Variants in SNX25 observed in about 807,000 individuals in gnomAD.
SNX25 encodes sorting nexin 25.
A neutral mutation model predicts 113.7 loss-of-function variants in SNX25; 62 were observed. The observed-to-expected ratio is 0.55, with a 90% CI of 0.44 to 0.67. The LOEUF (loss-of-function observed/expected upper bound fraction) is 0.67, where lower values mean the gene tolerates loss of function less well. SNX25 is among the 30% of genes least tolerant of loss of function. SNX25 has a pLI of 0.00. For missense variants in SNX25, 1,014 were observed against 1,161.0 expected, an observed-to-expected ratio of 0.87 and a Z score of 1.84; for synonymous variants, 421 against 436.2, an observed-to-expected ratio of 0.97 and a Z score of 0.43.
intron 9 of SNX25, among the ~76,000 whole-genome samples, chr4:185,324,706 C>T (rs904081394): frequency 1.1e-4 from 16 of 152,040 alleles, no homozygotes; most frequent in African/African-American, 3.4e-4. Flanking sequence ...GGCTGATGCC[C>T]TTTGGATTTA....
the SNX25 span, chr4:185,378,068 T>C: frequency 3.2e-5 from 51 of 1,597,516 alleles, no homozygotes; most frequent in South Asian, 4.8e-4. Flanking sequence ...AGCTTAAATA[T>C]CAGGATTTGT....
intron 1 of SNX25, among the ~76,000 whole-genome samples, chr4:185,211,347 C>A (rs1477767900): frequency 1.3e-5 from 2 of 152,146 alleles, no homozygotes; most frequent in Non-Finnish European, 2.9e-5. Context: ...GAGCAGGCAA[C>A]TCCTGTTTTT....
intron 5 of SNX25, among the ~76,000 whole-genome samples, chr4:185,287,553 A>G (rs115140755): frequency 0.016 from 2,403 of 152,356 alleles, 71 homozygotes; most frequent in African/African-American, 0.055. Context: ...CCACAAGCCC[A>G]CAGGTACCGT....
chr4:185,215,048 G>GT (rs1175571267), intron 1 of SNX25, among the ~76,000 whole-genome samples: 8 of 152,134 alleles, frequency 5.3e-5, no homozygotes, highest in African/African-American at 1.9e-4. Context: ...GGCTAACACA[G>GT]TGAAACCCCG....
chr4:185,346,855 A>C (rs2095289476), intron 13 of SNX25, among the ~76,000 whole-genome samples: 1 of 152,162 alleles, frequency 6.6e-6, no homozygotes, highest in African/African-American at 2.4e-5. Flanking sequence ...CGTTTCACAA[A>C]CTGAACACAC....
rs1455336593 is a variant in SNX25 at position 185,332,598 on chromosome 4, C to T, written c.1753C>T (p.Pro585Ser). Residue 585 changes from proline to serine, a missense_variant, in exon 10 of 19, where the codon CCA becomes TCA. By Grantham distance (74) the Pro-to-Ser change is moderately conservative (BLOSUM62 -1). Coordinates refer to ENST00000652585, the MANE Select transcript of SNX25 (RefSeq NM_001378034.2). ...QMISNKDEMG[P>S]RDEAGEEAVD... Reference sequence around the variant, plus strand: ...TGGTATGTGACTCTCCCCCTAGGGCCCAAGAGATGAGGCTGGTGAGGAAGC... The same window carrying T: ...TGGTATGTGACTCTCCCCCTAGGGCTCAAGAGATGAGGCTGGTGAGGAAGC... 1.2e-6 allele frequency: 2 copies of T among 1,610,642 alleles called. No individual in the cohort carries two copies. Among genetic ancestry groups the T allele is most frequent in the Non-Finnish European group, 1.7e-6 (2 of 1,178,176 alleles).
upstream of SNX25, among the ~76,000 whole-genome samples, chr4:185,205,618 C>A (rs962897934): frequency 1.3e-5 from 2 of 152,150 alleles, no homozygotes; most frequent in African/African-American, 2.4e-5. Context: ...CACCTGAGGT[C>A]AGGAGTTCCA....
intron 16 of SNX25, among the ~76,000 whole-genome samples, chr4:185,361,428 C>T (rs922849562): frequency 2.0e-4 from 31 of 152,162 alleles, no homozygotes; most frequent in Non-Finnish European, 1.5e-5. Flanking sequence ...AATAACTGCT[C>T]ATGCAGTATT....
intron 3 of SNX25, among the ~76,000 whole-genome samples, chr4:185,261,625 T>G (rs1210499347): frequency 6.6e-6 from 1 of 152,218 alleles, no homozygotes; most frequent in Non-Finnish European, 1.5e-5. Context: ...ATTTACTAGC[T>G]TTTGAAATTA....
intron 6 of SNX25, among the ~76,000 whole-genome samples, chr4:185,294,356 A>G (rs1752574970): frequency 6.6e-6 from 1 of 152,116 alleles, no homozygotes; most frequent in African/African-American, 2.4e-5. Flanking sequence ...TAGCTTCCTG[A>G]TGGAATCCGC....
intron 10 of SNX25, among the ~76,000 whole-genome samples, chr4:185,336,526 T>G (rs896809970): frequency 1.3e-5 from 2 of 152,242 alleles, no homozygotes; most frequent in Non-Finnish European, 2.9e-5. Context: ...CTGAGTAGTA[T>G]TCTGTGCTCT....
chr4:185,294,784 A>G (rs1321642817), intron 6 of SNX25, among the ~76,000 whole-genome samples: 1 of 152,126 alleles, frequency 6.6e-6, no homozygotes, highest in African/African-American at 2.4e-5. Flanking sequence ...GGTGCTTTCA[A>G]TTTTAAATAA....
At chr4:185,281,061 C>T (rs1001529103) in intron 5 of SNX25, among the ~76,000 whole-genome samples, 5 of 152,126 alleles carry the variant, frequency 3.3e-5, no homozygotes, top group African/African-American at 7.2e-5. Flanking sequence ...CCTTTTCCCT[C>T]GTTTGGAGAG....
chr4:185,309,121 AT>A (rs1048179241), intron 6 of SNX25, among the ~76,000 whole-genome samples: 18 of 152,072 alleles, frequency 1.2e-4, no homozygotes, highest in African/African-American at 4.3e-4. Context: ...ACGGTGCCTC[AT>A]TGGTGCTGAA....
At chr4:185,307,204 A>G (rs1754583356) in intron 6 of SNX25, among the ~76,000 whole-genome samples, 1 of 152,212 alleles carries the variant, frequency 6.6e-6, no homozygotes, top group African/African-American at 2.4e-5. Flanking sequence ...GGGACCTGAG[A>G]TGGGTAATGA....
intron 13 of SNX25, among the ~76,000 whole-genome samples, chr4:185,347,236 T>C (rs560086252): frequency 1.8e-4 from 27 of 152,368 alleles, no homozygotes; most frequent in African/African-American, 5.3e-4. Context: ...AAACGTCTAG[T>C]ACTTGTCTTT....
intron 6 of SNX25, among the ~76,000 whole-genome samples, chr4:185,303,852 A>G (rs1045345675): frequency 3.3e-5 from 5 of 152,054 alleles, no homozygotes; most frequent in African/African-American, 1.2e-4. Context: ...AGACTATGAA[A>G]TCTCAGGTGT....
At chr4:185,206,525 G>C (rs891287038), upstream of SNX25, among the ~76,000 whole-genome samples, 2 of 152,092 alleles carry the variant, frequency 1.3e-5, no homozygotes, top group African/African-American at 4.8e-5. Context: ...CAGGCATGCT[G>C]ATGCATGCCT....
At chr4:185,314,645 G>A (rs1294013055) in intron 7 of SNX25, among the ~76,000 whole-genome samples, 2 of 151,756 alleles carry the variant, frequency 1.3e-5, no homozygotes, top group Non-Finnish European at 1.5e-5. Context: ...GGATCACGAG[G>A]TCAAGAGATC....
Sources: gnomAD v4.1 joint callset for allele counts (sites outside exome capture counted in the v4.1 genomes callset) on GRCh38, gnomAD v4.1.1 for gene constraint, MANE v1.5 for transcripts, NCBI Gene and HGNC (gene_info 2026-07-23, HGNC 2026-07-21) for gene names.